The following GALNT15 variants were observed in gnomAD, a reference collection of about 807,000 sequenced individuals.
GALNT15 encodes the protein polypeptide N-acetylgalactosaminyltransferase 15, also known as UDP-GalNAc transferase T15.
Under a neutral mutation model 66.8 loss-of-function variants are expected in GALNT15, and 67 were observed. The ratio of observed to expected loss-of-function variants is 1.00; its 90% CI spans 0.82 to 1.23. GALNT15 has a LOEUF of 1.23. Among genes scored for constraint, GALNT15 ranks in the 50% most tolerant of loss-of-function variants. The pLI, the probability that GALNT15 is intolerant of heterozygous loss-of-function variation, is 0.00. For synonymous variants in GALNT15, 313 were observed against 311.5 expected, an observed-to-expected ratio of 1.00 and a Z score of -0.05; for missense variants, 827 against 804.3, an observed-to-expected ratio of 1.03 and a Z score of -0.34.
chr3:16,190,637 CA>C (rs34205852), intron 1 of GALNT15, among the ~76,000 whole-genome samples: 67,963 of 98,534 alleles, frequency 0.69, 21,561 homozygotes, highest in East Asian at 0.88. Flanking sequence ...GACTCCGTAT[CA>C]AAAAAAAAAA....
At position 16,219,367 on chromosome 3, in the gene GALNT15, C is replaced by T; in HGVS notation, c.1393-36C>T. ...CCATGTGAATTCTGGGCAAGACAAG[C>T]TTTCATCATCCTGCTTGTGTCTTTC... is the stretch of plus-strand genomic sequence containing the variant. On this transcript the variant is annotated intron_variant, in intron 6 of 9. Coordinates refer to ENST00000339732, the MANE Select transcript of GALNT15 (RefSeq NM_054110.5). This position sits in a 1 kb window ranked among gnomAD's most constrained non-coding sequence, Gnocchi z 4.3. The T allele has an allele frequency of 6.2e-7, 1 of 1,609,820 alleles. No individual in the cohort carries two copies. The highest frequency in any genetic ancestry group is 8.5e-7 in the Non-Finnish European group (1 of 1,177,800).
rs2063693908 is a variant in GALNT15 at position 16,200,914 on chromosome 3, A to G, written c.911+91A>G. 1 of 946,642 alleles carries G rather than the reference A, an allele frequency of 1.1e-6. No homozygotes were observed. 58.6% of individuals were successfully genotyped at this position (946,642 alleles called of 1,614,324 possible). On this transcript the variant is annotated intron_variant, in intron 3 of 9. Coordinates refer to ENST00000339732, the MANE Select transcript of GALNT15 (RefSeq NM_054110.5). This position sits in a 1 kb window ranked among gnomAD's most constrained non-coding sequence, Gnocchi z 4.4. ...CACTCACAGAGCAACCCACCTATTA[A>G]TTCCTGAATCTCCATTAGAGAGTGA... is the stretch of plus-strand genomic sequence containing the variant.
the GALNT15 span, among the ~76,000 whole-genome samples, chr3:16,245,230 T>G: frequency 6.6e-6 from 1 of 152,336 alleles, no homozygotes; most frequent in Admixed American, 6.5e-5. Flanking sequence ...CGCCTCCTTC[T>G]GCCCCATCTC....
At chr3:16,242,979 G>T in the GALNT15 span, among the ~76,000 whole-genome samples, 1 of 152,186 alleles carries the variant, frequency 6.6e-6, no homozygotes, top group Non-Finnish European at 1.5e-5. The surrounding 1 kb of genome is among the most constrained non-coding windows in gnomAD (Gnocchi z 5.6). Context: ...AAAAGTCAAT[G>T]TAAGGGTGCT....
the GALNT15 span, among the ~76,000 whole-genome samples, chr3:16,245,153 G>A: frequency 6.6e-5 from 10 of 152,262 alleles, no homozygotes; most frequent in East Asian, 1.9e-4. Context: ...ATTATACAAC[G>A]CATCCTGTAT....
At chr3:16,215,841 C>T (rs567014602) in intron 6 of GALNT15, among the ~76,000 whole-genome samples, 3 of 144,728 alleles carry the variant, frequency 2.1e-5, no homozygotes, top group African/African-American at 7.7e-5. Context: ...ACCCAGAAGG[C>T]GGAGGTTGTA....
Position 16,175,820 on chromosome 3 carries a change from T to A in GALNT15, c.539+130T>A. 1.2e-6 allele frequency: 1 copy of A among 819,878 alleles called. No homozygotes were observed. 50.8% of individuals were successfully genotyped at this position (819,878 alleles called of 1,614,324 possible). Reference sequence around the variant, plus strand: ...CAAGTGCTTTTCAAGATGCAGTACCTGGGCCAGCAGCGTCAGCAGCCCCTG... The same window carrying A: ...CAAGTGCTTTTCAAGATGCAGTACCAGGGCCAGCAGCGTCAGCAGCCCCTG... On this transcript the variant is annotated intron_variant, in intron 1 of 9. Transcript: ENST00000339732. The surrounding 1 kb of genome is among the most constrained non-coding windows in gnomAD (Gnocchi z 5.6).
intron 8 of GALNT15, among the ~76,000 whole-genome samples, chr3:16,221,561 G>A (rs978734321): frequency 8.6e-5 from 13 of 150,718 alleles, no homozygotes; most frequent in Non-Finnish European, 1.5e-4. Context: ...GATAAGTGAC[G>A]AGAGCCCACC....
At chr3:16,239,877 C>T in the GALNT15 span, among the ~76,000 whole-genome samples, 19 of 152,222 alleles carry the variant, frequency 1.2e-4, 1 homozygote, top group Admixed American at 1.2e-3. This position sits in a 1 kb window ranked among gnomAD's most constrained non-coding sequence, Gnocchi z 5.2. Context: ...GCGTGAGAAT[C>T]TTGCTTAAAA....
chr3:16,233,834 AG>A (rs2064107486), downstream of GALNT15, among the ~76,000 whole-genome samples: 1 of 152,188 alleles, frequency 6.6e-6, no homozygotes, highest in South Asian at 2.1e-4. Context: ...GCTTCTCCTG[AG>A]GGAATCCATA....
At position 16,219,372 on chromosome 3, in the gene GALNT15, A is replaced by G. The variant is rs150693774; in HGVS notation, c.1393-31A>G. 1.9e-6 allele frequency: 3 copies of G among 1,611,098 alleles called. No individual in the cohort carries two copies. The highest frequency in any genetic ancestry group is 1.7e-6 in the Non-Finnish European group (2 of 1,178,538). On this transcript the variant is annotated intron_variant, in intron 6 of 9. Transcript: ENST00000339732. The surrounding 1 kb of genome is among the most constrained non-coding windows in gnomAD (Gnocchi z 4.3). ...TGAATTCTGGGCAAGACAAGCTTTCATCATCCTGCTTGTGTCTTTCTCCTC... is the reference window on the plus strand; with the variant it reads ...TGAATTCTGGGCAAGACAAGCTTTCGTCATCCTGCTTGTGTCTTTCTCCTC...
chr3:16,229,791 A>G lies in GALNT15; in HGVS notation c.*2291A>G. ...ATTAACAAAAGGACCCAGATGGCTT[A>G]TTGCCTAATTGGGTGAACAAAGCAA... On this transcript the variant is annotated 3_prime_UTR_variant, in exon 10 of 10. Transcript: ENST00000339732. 2 of 958,588 alleles carry G rather than the reference A, an allele frequency of 2.1e-6. No individual in the cohort carries two copies. Among genetic ancestry groups the G allele is most frequent in the Non-Finnish European group, 2.5e-6 (2 of 805,466 alleles). The allele number at this position is 958,588 out of a possible 1,614,324, so 59.4% of individuals were successfully genotyped here.
At chr3:16,247,130 G>GTGTC in the GALNT15 span, among the ~76,000 whole-genome samples, 1 of 152,078 alleles carries the variant, frequency 6.6e-6, no homozygotes, top group Non-Finnish European at 1.5e-5. Context: ...GTGTGTGTGT[G>GTGTC]TGTGTCTGTT....
At chr3:16,246,193 C>G in the GALNT15 span, among the ~76,000 whole-genome samples, 1 of 152,148 alleles carries the variant, frequency 6.6e-6, no homozygotes, top group South Asian at 2.1e-4. Flanking sequence ...CAAGTTGGCC[C>G]CTACAACCTC....
Position 16,174,775 on chromosome 3 carries a change from T to C in GALNT15, c.-377T>C, listed in dbSNP as rs1173586162. 1.3e-5 allele frequency: 3 copies of C among 228,016 alleles called. No individual in the cohort carries two copies. The highest frequency in any genetic ancestry group is 6.7e-5 in the African/African-American group (3 of 44,684). The allele number at this position is 228,016 out of a possible 1,614,324, so 14.1% of individuals were successfully genotyped here. On this transcript the variant is annotated 5_prime_UTR_variant, in exon 1 of 10. Coordinates refer to ENST00000339732, the MANE Select transcript of GALNT15 (RefSeq NM_054110.5). The surrounding 1 kb of genome is among the most constrained non-coding windows in gnomAD (Gnocchi z 4.7). The stretch of plus-strand genomic sequence containing the variant: ...CCACCAGCTCATCCCAGACACCTCA[T>C]AGCAACCTATTTATACAAAGGGGGA...
intron 6 of GALNT15, among the ~76,000 whole-genome samples, chr3:16,218,841 G>A (rs1385313723): frequency 2.4e-5 from 3 of 123,646 alleles, no homozygotes; most frequent in Non-Finnish European, 4.8e-5. Context: ...TTGCGAGGAA[G>A]TCTTGCTCTG....
chr3:16,226,777 G>T (rs999375258), intron 9 of GALNT15, among the ~76,000 whole-genome samples: 2 of 152,188 alleles, frequency 1.3e-5, no homozygotes, highest in African/African-American at 4.8e-5. Flanking sequence ...CAGCATTGCT[G>T]GTTAAGGTTG....
rs376061481 is a variant in GALNT15, at chr3:16,180,213, G to A, written c.539+4523G>A. On this transcript the variant is annotated intron_variant, in intron 1 of 9. Transcript: ENST00000339732. This position sits in a 1 kb window ranked among gnomAD's most constrained non-coding sequence, Gnocchi z 5.0. Reference sequence around the variant, plus strand: ...TCTGCAAACTCCTGGTACTGCTGCTGCTGCTGCTCCCAATCCAGAGACACT... The same window carrying A: ...TCTGCAAACTCCTGGTACTGCTGCTACTGCTGCTCCCAATCCAGAGACACT... Among the ~76,000 whole-genome samples, 3 of 152,248 alleles carry A rather than the reference G, an allele frequency of 2.0e-5. No homozygotes were observed. Among genetic ancestry groups the A allele is most frequent in the Non-Finnish European group, 4.4e-5 (3 of 68,046 alleles).
rs535194378 is a variant in GALNT15, at chr3:16,229,469, A to C, written c.*1969A>C. On this transcript the variant is annotated 3_prime_UTR_variant, in exon 10 of 10. Transcript: ENST00000339732. ...CATTTCATCACAGTTCTGTTGGACC[A>C]ATCTAGATAGATTCATTATCCCATC... The C allele has an allele frequency of 1.5e-5, 15 of 980,566 alleles. No individual in the cohort carries two copies. In the South Asian group the frequency reaches 5.7e-4, roughly 37 times the overall value. The allele number at this position is 980,566 out of a possible 1,614,324, so 60.7% of individuals were successfully genotyped here.
Sources: allele counts gnomAD v4.1 joint callset (sites outside exome capture counted in the v4.1 genomes callset), GRCh38; gene constraint gnomAD v4.1.1; non-coding constraint Gnocchi (gnomAD v3.1); transcripts MANE v1.5; gene names NCBI Gene and HGNC (gene_info 2026-07-23, HGNC 2026-07-21).